PARD3B: variants seen among roughly 807,000 people sequenced by gnomAD.
The protein encoded by PARD3B is par-3 family cell polarity regulator beta, also known as partitioning defective 3 homolog B.
A neutral mutation model predicts 130.2 loss-of-function variants in PARD3B; 103 were observed. The ratio of observed to expected loss-of-function variants is 0.79; its 90% CI spans 0.67 to 0.93. The LOEUF (loss-of-function observed/expected upper bound fraction) is 0.93, where lower values mean the gene tolerates loss of function less well. Ranked by LOEUF, PARD3B falls within the 40% of genes least tolerant of loss-of-function variation. The pLI, the probability that PARD3B is intolerant of heterozygous loss-of-function variation, is 0.00. For synonymous variants in PARD3B, 583 were observed against 553.2 expected (o/e 1.05, Z -0.76); for missense variants, 1,609 against 1,499.2 (o/e 1.07, Z -1.21).
chr2:204,742,756 A>C (rs1012493812), intron 2 of PARD3B, among the ~76,000 whole-genome samples: 4 of 152,152 alleles, frequency 2.6e-5, no homozygotes, highest in Non-Finnish European at 5.9e-5. Context: ...CTTAATTATA[A>C]AACTTTTAAT....
At chr2:204,739,004 T>A (rs904304073) in intron 2 of PARD3B, among the ~76,000 whole-genome samples, 50 of 152,188 alleles carry the variant, frequency 3.3e-4, no homozygotes, top group African/African-American at 1.2e-3. Context: ...CAAGGGTGAG[T>A]ATCACTGGGA....
chr2:204,762,423 C>T (rs2040944904), intron 2 of PARD3B, among the ~76,000 whole-genome samples: 1 of 152,086 alleles, frequency 6.6e-6, no homozygotes, highest in Admixed American at 6.5e-5. Context: ...GGCGCCCAAC[C>T]CGAATGGCAA....
intron 18 of PARD3B, among the ~76,000 whole-genome samples, chr2:205,358,042 G>A (rs2044258480): frequency 6.6e-6 from 1 of 152,174 alleles, no homozygotes; most frequent in Non-Finnish European, 1.5e-5. Context: ...AAGATGAGAA[G>A]GACGTAAATT....
intron 13 of PARD3B, among the ~76,000 whole-genome samples, chr2:205,182,192 TGAGGCAGG>T (rs2035828437): frequency 6.6e-6 from 1 of 151,744 alleles, no homozygotes; most frequent in Admixed American, 6.6e-5. Context: ...CGCGGGAGGC[TGAGGCAGG>T]AGAATGGCTT....
In PARD3B at chr2:204,985,757, G is replaced by C. The variant is rs184563629; in HGVS notation, c.394+20434G>C. 1.2e-3 allele frequency among the ~76,000 whole-genome samples: 182 copies of C among 152,236 alleles called. 1 individual carries two copies. Among genetic ancestry groups the C allele is most frequent in the African/African-American group, 4.3e-3 (177 of 41,550 alleles). On this transcript the variant is annotated intron_variant, in intron 3 of 22. Transcript: ENST00000406610. ...GGGAAGATCTGGTGAGGGTTGGGGT[G>C]ATGTGTACAGAATAGACAAAGGAGA...
At chr2:205,152,946 G>A (rs2033862395) in intron 10 of PARD3B, among the ~76,000 whole-genome samples, 1 of 152,072 alleles carries the variant, frequency 6.6e-6, no homozygotes, top group Admixed American at 6.6e-5. Context: ...GTTTTGGTGT[G>A]GATGTCCTTT....
At chr2:204,789,872 CTTTT>C (rs386392368) in intron 2 of PARD3B, among the ~76,000 whole-genome samples, 1 of 139,408 alleles carries the variant, frequency 7.2e-6, no homozygotes, top group Admixed American at 7.2e-5. Flanking sequence ...TAGTTTTCTT[CTTTT>C]TTTTTTTTTT....
intron 2 of PARD3B, among the ~76,000 whole-genome samples, chr2:204,866,839 C>T (rs1038594444): frequency 1.3e-5 from 2 of 152,010 alleles, no homozygotes; most frequent in Non-Finnish European, 2.9e-5. Context: ...GAGGCTGAGG[C>T]GGGTGTATCA....
At chr2:205,221,892 T>G (rs905148529) in intron 15 of PARD3B, among the ~76,000 whole-genome samples, 1 of 152,140 alleles carries the variant, frequency 6.6e-6, no homozygotes, top group Non-Finnish European at 1.5e-5. Context: ...TCAACAATTA[T>G]TTTTAAAAAC....
In PARD3B at chr2:204,643,115, C is replaced by CAAAAAAA. The variant is rs71029202; in HGVS notation, c.121-43051_121-43045dup. On this transcript the variant is annotated intron_variant, in intron 1 of 22. Coordinates refer to ENST00000406610, the MANE Select transcript of PARD3B (RefSeq NM_001302769.2). ...GGCGACAGAGGGAGACTCTGTCTCA[C>CAAAAAAA]AAAAAAAAAAAAAAAAAAAAATGTT... Among the ~76,000 whole-genome samples, 5 of 31,802 alleles carry CAAAAAAA rather than the reference C, an allele frequency of 1.6e-4. 1 individual carries two copies. Among genetic ancestry groups the CAAAAAAA allele is most frequent in the Non-Finnish European group, 2.9e-4 (5 of 17,070 alleles). The allele number at this position is 31,802 out of a possible 152,430, so 20.9% of individuals were successfully genotyped here.
intron 20 of PARD3B, among the ~76,000 whole-genome samples, chr2:205,490,822 T>C (rs1445041337): frequency 1.3e-5 from 2 of 152,244 alleles, no homozygotes; most frequent in Non-Finnish European, 2.9e-5. Flanking sequence ...TGTGAGATGG[T>C]ATCTCATTGT....
chr2:204,693,801 G>A (rs1574724332), intron 2 of PARD3B, among the ~76,000 whole-genome samples: 3 of 151,770 alleles, frequency 2.0e-5, no homozygotes, highest in South Asian at 2.1e-4. Flanking sequence ...TTAATGTTCC[G>A]GTTGTCTGCT....
intron 3 of PARD3B, among the ~76,000 whole-genome samples, chr2:205,018,241 A>G (rs1397506631): frequency 6.6e-6 from 1 of 152,200 alleles, no homozygotes; most frequent in East Asian, 1.9e-4. Context: ...TACTCACTTT[A>G]ATGCCTTTAA....
intron 2 of PARD3B, among the ~76,000 whole-genome samples, chr2:204,692,367 G>T (rs1349968139): frequency 3.3e-5 from 5 of 151,854 alleles, no homozygotes; most frequent in Non-Finnish European, 5.9e-5. Flanking sequence ...ACTTCTTCCC[G>T]CCTACCTGTT....
chr2:204,873,916 G>GCGGAT (rs1465857346), intron 2 of PARD3B, among the ~76,000 whole-genome samples: 8 of 152,278 alleles, frequency 5.3e-5, no homozygotes, highest in Middle Eastern at 3.4e-3. Flanking sequence ...GCTGAGGGGA[G>GCGGAT]CGGATCACTT....
intron 2 of PARD3B, among the ~76,000 whole-genome samples, chr2:204,710,948 T>C (rs1200999663): frequency 2.6e-5 from 4 of 152,306 alleles, no homozygotes; most frequent in South Asian, 2.1e-4. Flanking sequence ...AATAGTGATA[T>C]TGATGATGAA....
chr2:205,522,136 T>C (rs1239897379), intron 21 of PARD3B, among the ~76,000 whole-genome samples: 1 of 151,666 alleles, frequency 6.6e-6, no homozygotes, highest in East Asian at 1.9e-4. Context: ...TCATTTATTT[T>C]TACTTCATTA....
rs553683682 is a variant in PARD3B at position 205,151,984 on chromosome 2, T to A, written c.1435-6738T>A. Among the ~76,000 whole-genome samples the A allele has an allele frequency of 2.6e-5, 4 of 152,306 alleles. No homozygotes were observed. In the East Asian group the frequency reaches 7.7e-4, roughly 29 times the overall value. ...GTGACAAAATCTCTCAGCATTTGCTTCTCCGTAAAGGATTTTATTTCTCCT... is the reference window on the plus strand; with the variant it reads ...GTGACAAAATCTCTCAGCATTTGCTACTCCGTAAAGGATTTTATTTCTCCT... On this transcript the variant is annotated intron_variant, in intron 10 of 22. Transcript: ENST00000406610.
At chr2:204,732,747 T>A (rs1275219162) in intron 2 of PARD3B, among the ~76,000 whole-genome samples, 1 of 152,228 alleles carries the variant, frequency 6.6e-6, no homozygotes, top group Non-Finnish European at 1.5e-5. Flanking sequence ...ACCTTACTTA[T>A]GGATACTTGG....
Sources: allele counts gnomAD v4.1 joint callset (sites outside exome capture counted in the v4.1 genomes callset), GRCh38; gene constraint gnomAD v4.1.1; transcripts MANE v1.5; gene names NCBI Gene and HGNC (gene_info 2026-07-23, HGNC 2026-07-21).